CSMD2: variants seen among roughly 807,000 people sequenced by gnomAD.
CSMD2 encodes CUB and Sushi multiple domains 2.
CSMD2 carries 130 observed loss-of-function variants against 398.5 expected under a neutral mutation model. The observed-to-expected ratio is 0.33, with a 90% CI of 0.28 to 0.38. The LOEUF (loss-of-function observed/expected upper bound fraction) is 0.38. Among genes scored for constraint, CSMD2 ranks in the 10% least tolerant of loss-of-function variants. CSMD2 has a pLI of 1.00. For synonymous variants in CSMD2, 1,828 were observed against 1,908.5 expected (o/e 0.96, Z 1.10); for missense variants, 3,829 against 4,764.9 (o/e 0.80, Z 5.78).
intron 6 of CSMD2, among the ~76,000 whole-genome samples, chr1:33,828,428 C>A (rs888696469): frequency 5.3e-5 from 8 of 152,274 alleles, no homozygotes; most frequent in Non-Finnish European, 8.8e-5. Context: ...CGGTGCAGCC[C>A]ATTTGTGGTC....
chr1:33,788,816 G>A (rs1333409435), intron 11 of CSMD2, 104 bp from the exon 12 acceptor site: 19 of 729,172 alleles, frequency 2.6e-5, no homozygotes, highest in South Asian at 1.8e-4. Flanking sequence ...ATCCAGGCCC[G>A]CTCGGGCAAA....
At chr1:33,776,607 G>T (rs1652008184) in intron 12 of CSMD2, among the ~76,000 whole-genome samples, 1 of 152,148 alleles carries the variant, frequency 6.6e-6, no homozygotes. Flanking sequence ...ATCCAGCAGG[G>T]CTATATGACT....
intron 19 of CSMD2, among the ~76,000 whole-genome samples, chr1:33,722,977 T>A (rs924691947): frequency 6.6e-6 from 1 of 152,156 alleles, no homozygotes; most frequent in Non-Finnish European, 1.5e-5. Flanking sequence ...ACATAATCCA[T>A]CCTTTCTTCA....
At chr1:34,073,981 G>A (rs921933538) in intron 2 of CSMD2, among the ~76,000 whole-genome samples, 2 of 152,202 alleles carry the variant, frequency 1.3e-5, no homozygotes, top group Non-Finnish European at 1.5e-5. Flanking sequence ...GCAAAAGCAG[G>A]AGCAACAGAG....
intron 14 of CSMD2, among the ~76,000 whole-genome samples, chr1:33,742,798 G>T (rs580682): frequency 0.63 from 95,562 of 151,896 alleles, 32,446 homozygotes; most frequent in African/African-American, 0.9. Context: ...TGATTCTGAT[G>T]TGACTATGGG....
At position 33,636,520 on chromosome 1, in the gene CSMD2, G is replaced by A. The variant is rs34507149; in HGVS notation, c.4809C>T (p.Ser1603=). Residue 1603 remains serine, a synonymous_variant, in exon 30 of 71, where the codon TCC becomes TCT. Transcript: ENST00000373381. This position sits in a 1 kb window ranked among gnomAD's most constrained non-coding sequence, Gnocchi z 4.8. The part of the protein sequence containing the change: ...NPRESCFDPG[S]IKNGTRVGSD... ...ACCCCACCCGTGTGCCGTTCTTGATGGAACCAGGATCAAAACATGACTCCC... is the reference window on the plus strand; with the variant it reads ...ACCCCACCCGTGTGCCGTTCTTGATAGAACCAGGATCAAAACATGACTCCC... 9.0e-4 allele frequency: 1,452 copies of A among 1,614,118 alleles called. 11 individuals carry two copies. In the African/African-American group the frequency reaches 0.018, roughly 20 times the overall value.
At chr1:33,557,020 G>A (rs1191186503) in intron 55 of CSMD2, among the ~76,000 whole-genome samples, 1 of 152,084 alleles carries the variant, frequency 6.6e-6, no homozygotes, top group Non-Finnish European at 1.5e-5. Flanking sequence ...AATACATCAG[G>A]ATTCTGAGCA....
At chr1:33,631,800 T>C (rs537938433) in intron 32 of CSMD2, among the ~76,000 whole-genome samples, 1 of 152,140 alleles carries the variant, frequency 6.6e-6, no homozygotes, top group Non-Finnish European at 1.5e-5. Context: ...TAAATCCCAG[T>C]CAAGATTCTG....
At chr1:33,891,841 T>C (rs1010573403) in intron 5 of CSMD2, among the ~76,000 whole-genome samples, 3 of 135,866 alleles carry the variant, frequency 2.2e-5, no homozygotes, top group South Asian at 2.4e-4. Flanking sequence ...TAGGTGGAAA[T>C]TGAACACTGA....
At chr1:33,809,064 C>A (rs887277476) in intron 10 of CSMD2, among the ~76,000 whole-genome samples, 1 of 151,588 alleles carries the variant, frequency 6.6e-6, no homozygotes, top group African/African-American at 2.4e-5. Context: ...AAGGAGACAC[C>A]AGACCACGAT....
intron 5 of CSMD2, among the ~76,000 whole-genome samples, chr1:33,891,776 A>G (rs1047631620): frequency 6.6e-6 from 1 of 151,590 alleles, no homozygotes; most frequent in Non-Finnish European, 1.5e-5. Flanking sequence ...GGAAATCATC[A>G]TTCCCAGTAA....
intron 42 of CSMD2, 108 bp downstream of exon 42, chr1:33,605,174 T>C (rs2148818376): frequency 1.8e-6 from 2 of 1,109,042 alleles, no homozygotes; most frequent in Middle Eastern, 6.0e-4. Context: ...TGCCTGGACC[T>C]CCAGCCCTGG....
chr1:33,892,492 T>A (rs1181328219), intron 5 of CSMD2, among the ~76,000 whole-genome samples: 1 of 152,098 alleles, frequency 6.6e-6, no homozygotes, highest in Non-Finnish European at 1.5e-5. Context: ...CTCCTCCAAG[T>A]CCCCAAAGTC....
At chr1:33,720,511 T>C (rs1394831345) in intron 19 of CSMD2, among the ~76,000 whole-genome samples, 4 of 152,108 alleles carry the variant, frequency 2.6e-5, no homozygotes, top group Non-Finnish European at 5.9e-5. Flanking sequence ...TTCCCCTTGC[T>C]TGGGGAGACG....
Position 33,633,453 on chromosome 1 carries a change from C to T in CSMD2, c.5169G>A (p.Arg1723=). The T allele has an allele frequency of 6.4e-7, 1 of 1,554,002 alleles. No individual in the cohort carries two copies. Among genetic ancestry groups the T allele is most frequent in the Non-Finnish European group, 8.7e-7 (1 of 1,148,368 alleles). ...GGGAGCCCGAGAGGGAGCTGAGGAG[C>T]CGCGAGTGCTGGCTGTGGCCGTCGT... ...EVHDGHSQHS[R]LLSSLSGSHT... Residue 1723 remains arginine (R), a synonymous_variant, in exon 32 of 71, where the codon CGG becomes CGA. Coordinates refer to ENST00000373381, the MANE Select transcript of CSMD2 (RefSeq NM_001281956.2). This position sits in a 1 kb window ranked among gnomAD's most constrained non-coding sequence, Gnocchi z 5.0.
intron 22 of CSMD2, among the ~76,000 whole-genome samples, chr1:33,702,879 T>C (rs1295175386): frequency 6.6e-6 from 1 of 152,166 alleles, no homozygotes; most frequent in Non-Finnish European, 1.5e-5. Flanking sequence ...TGGGATATGA[T>C]ATACAATTCT....
At chr1:33,522,832 T>C (rs1391255098) in intron 67 of CSMD2, among the ~76,000 whole-genome samples, 2 of 152,184 alleles carry the variant, frequency 1.3e-5, no homozygotes, top group African/African-American at 2.4e-5. Context: ...TAGAATAGAA[T>C]GTCTTTTCCA....
intron 3 of CSMD2, among the ~76,000 whole-genome samples, chr1:33,975,513 A>ACACACACACACACACACACACAC (rs1553268750): frequency 6.6e-6 from 1 of 150,382 alleles, no homozygotes; most frequent in African/African-American, 2.5e-5. Flanking sequence ...ACACACACAC[A>ACACACACACACACACACACACAC]AGTGCATAAA....
At chr1:33,835,668 TAAAACAAAAC>T (rs202148694) in intron 6 of CSMD2, among the ~76,000 whole-genome samples, 9 of 73,474 alleles carry the variant, frequency 1.2e-4, no homozygotes, top group Non-Finnish European at 1.7e-4. Context: ...TAAAATAAAT[TAAAACAAAAC>T]AAAACAAAAC....
Sources: gnomAD v4.1 joint callset for allele counts (sites outside exome capture counted in the v4.1 genomes callset) on GRCh38, gnomAD v4.1.1 for gene constraint, Gnocchi (gnomAD v3.1) non-coding constraint, MANE v1.5 for transcripts, NCBI Gene and HGNC (gene_info 2026-07-23, HGNC 2026-07-21) for gene names.